ALOX5AP: variants seen among roughly 807,000 people sequenced by gnomAD.
ALOX5AP encodes the protein arachidonate 5-lipoxygenase-activating protein.
ALOX5AP carries 9 observed loss-of-function variants against 18.5 expected under a neutral mutation model. That is an observed-to-expected ratio of 0.49 (90% CI 0.29 to 0.85). ALOX5AP has a LOEUF of 0.85. ALOX5AP is among the 40% of genes least tolerant of loss of function. The pLI, the probability that ALOX5AP is intolerant of heterozygous loss-of-function variation, is 0.08. For synonymous variants in ALOX5AP, 81 were observed against 78.6 expected (o/e 1.03, Z -0.16); for missense variants, 172 against 202.5 (o/e 0.85, Z 0.91).
intron 1 of ALOX5AP, among the ~76,000 whole-genome samples, chr13:30,737,645 G>T (rs1302111221): frequency 6.6e-6 from 1 of 152,148 alleles, no homozygotes; most frequent in African/African-American, 2.4e-5. Context: ...CCAGCTGGGA[G>T]CTAATTTTTT....
intron 1 of ALOX5AP, among the ~76,000 whole-genome samples, chr13:30,736,771 C>T (rs553803675): frequency 1.3e-5 from 2 of 152,300 alleles, no homozygotes; most frequent in East Asian, 3.9e-4. Context: ...CTTTCTGACC[C>T]AAACATTTTT....
intron 4 of ALOX5AP, among the ~76,000 whole-genome samples, chr13:30,756,510 T>G (rs1231178705): frequency 6.6e-6 from 1 of 152,096 alleles, no homozygotes; most frequent in East Asian, 1.9e-4. Flanking sequence ...TAAGATGCAG[T>G]AAGATGCAGA....
intron 2 of ALOX5AP, among the ~76,000 whole-genome samples, chr13:30,747,035 CAGTGTGGCTCA>C (rs1951815031): frequency 6.6e-6 from 1 of 152,222 alleles, no homozygotes; most frequent in Admixed American, 6.5e-5. Flanking sequence ...ATACACTAGC[CAGTGTGGCTCA>C]TCGGCTCAGA....
chr13:30,736,803 A>T (rs978196985), intron 1 of ALOX5AP, among the ~76,000 whole-genome samples: 2 of 152,226 alleles, frequency 1.3e-5, no homozygotes, highest in Non-Finnish European at 2.9e-5. Context: ...CACACAACAA[A>T]GTTGTAGCTC....
At chr13:30,729,494 C>T (rs1018064634) in intron 1 of ALOX5AP, among the ~76,000 whole-genome samples, 2 of 152,016 alleles carry the variant, frequency 1.3e-5, no homozygotes, top group African/African-American at 4.8e-5. Context: ...CAGGCCATGC[C>T]CATGACTGAC....
At chr13:30,723,192 T>C (rs149638057) in intron 1 of ALOX5AP, among the ~76,000 whole-genome samples, 79 of 152,336 alleles carry the variant, frequency 5.2e-4, no homozygotes, top group African/African-American at 1.9e-3. Context: ...TATAAGATCA[T>C]ATTTTATTTC....
At chr13:30,761,508 A>G (rs549995565) in intron 4 of ALOX5AP, among the ~76,000 whole-genome samples, 1 of 152,342 alleles carries the variant, frequency 6.6e-6, no homozygotes, top group South Asian at 2.1e-4. Flanking sequence ...TGGCTAAAAA[A>G]TATCCCTTAC....
Position 30,764,370 on chromosome 13 carries a change from T to G in ALOX5AP, c.*264T>G. 2.6e-6 allele frequency: 1 copy of G among 380,942 alleles called. No homozygotes were observed. The highest frequency in any genetic ancestry group is 4.7e-6 in the Non-Finnish European group (1 of 214,132). 23.6% of individuals were successfully genotyped at this position (380,942 alleles called of 1,614,324 possible). On this transcript the variant is annotated 3_prime_UTR_variant, in exon 5 of 5. Coordinates refer to ENST00000380490, the MANE Select transcript of ALOX5AP (RefSeq NM_001629.4). ...CACTTATCCTGTTCTCTGAAGATGTTTTGTGACCAGGTTTGTGTTTTCTTA... is the reference window on the plus strand; with the variant it reads ...CACTTATCCTGTTCTCTGAAGATGTGTTGTGACCAGGTTTGTGTTTTCTTA...
chr13:30,746,580 C>T (rs1400317784), intron 2 of ALOX5AP, among the ~76,000 whole-genome samples: 2 of 152,238 alleles, frequency 1.3e-5, no homozygotes, highest in Non-Finnish European at 2.9e-5. Context: ...GGTCTGTTTG[C>T]CTGTGCCAGG....
chr13:30,731,579 G>T (rs561827448), upstream of ALOX5AP, among the ~76,000 whole-genome samples: 1 of 152,242 alleles, frequency 6.6e-6, no homozygotes, highest in African/African-American at 2.4e-5. Flanking sequence ...ATGTTGCCCA[G>T]GCTGTTCTCC....
intron 1 of ALOX5AP, among the ~76,000 whole-genome samples, chr13:30,726,541 G>A (rs551409089): frequency 6.6e-6 from 1 of 152,262 alleles, no homozygotes; most frequent in East Asian, 1.9e-4. Flanking sequence ...TGAACATGGG[G>A]AATTCCAAGG....
chr13:30,722,761 C>T (rs749054784), intron 1 of ALOX5AP, among the ~76,000 whole-genome samples: 8 of 152,228 alleles, frequency 5.3e-5, no homozygotes, highest in Non-Finnish European at 1.2e-4. Flanking sequence ...GTGCCGTTCT[C>T]ACAGTAACGA....
chr13:30,714,605 G>T (rs1483298475), intron 1 of ALOX5AP, among the ~76,000 whole-genome samples: 1 of 118,002 alleles, frequency 8.5e-6, no homozygotes, highest in Non-Finnish European at 1.8e-5. Flanking sequence ...GGGGTGGGGG[G>T]TGGGGAGTTC....
chr13:30,741,837 T>TTTTG (rs1951768982), intron 1 of ALOX5AP, among the ~76,000 whole-genome samples: 1 of 150,858 alleles, frequency 6.6e-6, no homozygotes, highest in Non-Finnish European at 1.5e-5. Context: ...TTCTGTTTTT[T>TTTTG]TTTTTTTTTT....
At chr13:30,734,071 C>A (rs1951702285), upstream of ALOX5AP, among the ~76,000 whole-genome samples, 2 of 152,136 alleles carry the variant, frequency 1.3e-5, no homozygotes, top group South Asian at 2.1e-4. Context: ...AGCATGTGAA[C>A]CAATTTCTAT....
chr13:30,761,072 C>T (rs1951937882), intron 4 of ALOX5AP, among the ~76,000 whole-genome samples: 1 of 152,202 alleles, frequency 6.6e-6, no homozygotes, highest in Middle Eastern at 3.2e-3. Flanking sequence ...GCCCACCATG[C>T]TCACTTGCCA....
intron 1 of ALOX5AP, among the ~76,000 whole-genome samples, chr13:30,740,071 G>T (rs1454088860): frequency 6.6e-6 from 1 of 152,152 alleles, no homozygotes; most frequent in Non-Finnish European, 1.5e-5. Context: ...CGTTTCTGAA[G>T]TCCCTTGCCA....
chr13:30,713,675 G>A (rs1243751960), exon 1 of ALOX5AP: 3 of 1,299,092 alleles, frequency 2.3e-6, no homozygotes, highest in South Asian at 2.5e-5. Flanking sequence ...CAAGAACTCT[G>A]TAGAACTGAC....
chr13:30,751,982 G>T, intron 2 of ALOX5AP, 70 bp from the exon 3 acceptor site: 1 of 1,407,082 alleles, frequency 7.1e-7, no homozygotes. Flanking sequence ...TCAACTTTCA[G>T]GTAATTTTCA....
Sources: allele counts gnomAD v4.1 joint callset (sites outside exome capture counted in the v4.1 genomes callset), GRCh38; gene constraint gnomAD v4.1.1; transcripts MANE v1.5; gene names NCBI Gene and HGNC (gene_info 2026-07-23, HGNC 2026-07-21).